The following CNKSR3 variants were observed in gnomAD, a reference collection of about 807,000 sequenced individuals.
CNKSR3 encodes connector enhancer of kinase suppressor of ras 3.
In CNKSR3, 36 loss-of-function variants were observed where a neutral mutation model predicts 67.7. The ratio of observed to expected loss-of-function variants is 0.53; its 90% CI spans 0.41 to 0.70. CNKSR3 has a LOEUF of 0.70. Ranked by LOEUF, CNKSR3 falls within the 30% of genes least tolerant of loss-of-function variation. The probability of loss-of-function intolerance (pLI) is 0.00; values close to 1 mark genes in which losing one functional copy is unlikely to be tolerated. For missense variants in CNKSR3, 630 were observed against 695.2 expected (o/e 0.91, Z 1.05); for synonymous variants, 281 against 271.4 (o/e 1.04, Z -0.35).
At chr6:154,474,727 T>C in intron 1 of CNKSR3, among the ~76,000 whole-genome samples, 1 of 152,066 alleles carries the variant, frequency 6.6e-6, no homozygotes, top group Non-Finnish European at 1.5e-5. Flanking sequence ...GATGAGATGA[T>C]GGACTACGAC....
chr6:154,401,039 C>T lies in CNKSR3; in HGVS notation c.*5315G>A, dbSNP rs1784710374. The T allele has an allele frequency of 6.6e-6, 1 of 152,240 alleles. No homozygotes were observed. Among genetic ancestry groups the T allele is most frequent in the African/African-American group, 2.4e-5 (1 of 41,540 alleles). The allele number at this position is 152,240 out of a possible 1,614,324, so 9.4% of individuals were successfully genotyped here. On this transcript the variant is annotated 3_prime_UTR_variant, in exon 13 of 13. Transcript: ENST00000607772. ...TTAATACATCATGCAAAATTTTCCA[C>T]GTATTGGAAGAAACATCAGAAATCA...
intron 1 of CNKSR3, among the ~76,000 whole-genome samples, chr6:154,479,231 AT>A (rs1234296574): frequency 4.3e-5 from 3 of 69,076 alleles, no homozygotes; most frequent in African/African-American, 1.4e-4. Context: ...AAAAAAAAAA[AT>A]ATTCTTTCAG....
intron 2 of CNKSR3, among the ~76,000 whole-genome samples, chr6:154,447,666 T>C (rs1049589012): frequency 2.6e-5 from 4 of 152,180 alleles, no homozygotes; most frequent in African/African-American, 9.7e-5. Flanking sequence ...CCCCTCTCCT[T>C]ACATTGATAC....
intron 1 of CNKSR3, among the ~76,000 whole-genome samples, chr6:154,466,784 T>TA (rs1298951954): frequency 3.2e-5 from 4 of 124,498 alleles, no homozygotes; most frequent in Admixed American, 1.6e-4. Flanking sequence ...CACGCCCAGC[T>TA]AATTTTTTTG....
At chr6:154,453,546 T>G (rs898786835) in intron 1 of CNKSR3, among the ~76,000 whole-genome samples, 2 of 152,158 alleles carry the variant, frequency 1.3e-5, no homozygotes, top group Non-Finnish European at 2.9e-5. Context: ...ACTGCCCACA[T>G]AAGAATAGAA....
chr6:154,414,882 G>A, intron 9 of CNKSR3: 1 of 454,206 alleles, frequency 2.2e-6, no homozygotes, highest in Non-Finnish European at 4.5e-6. Flanking sequence ...GATTGCTTGA[G>A]CTCAGGACTT....
intron 1 of CNKSR3, among the ~76,000 whole-genome samples, chr6:154,458,486 T>C (rs1201593103): frequency 6.6e-6 from 1 of 152,134 alleles, no homozygotes; most frequent in Non-Finnish European, 1.5e-5. Flanking sequence ...GTCACCAATT[T>C]CCAGGGTACA....
intron 1 of CNKSR3, among the ~76,000 whole-genome samples, chr6:154,469,353 G>A (rs887803147): frequency 2.0e-5 from 3 of 152,040 alleles, no homozygotes; most frequent in Non-Finnish European, 4.4e-5. Context: ...CATCATCATC[G>A]CATATGAATA....
intron 4 of CNKSR3, among the ~76,000 whole-genome samples, chr6:154,437,257 G>A (rs960920106): frequency 6.6e-6 from 1 of 152,120 alleles, no homozygotes; most frequent in Non-Finnish European, 1.5e-5. Context: ...AAGAGAATGT[G>A]AAGTCCCCTG....
At chr6:154,501,588 T>G (rs1363756032) in intron 1 of CNKSR3, among the ~76,000 whole-genome samples, 2 of 152,062 alleles carry the variant, frequency 1.3e-5, no homozygotes, top group Admixed American at 1.3e-4. Flanking sequence ...AATGCCCTTC[T>G]CCCTAATTTT....
chr6:154,451,233 G>C (rs1199914321), intron 1 of CNKSR3, among the ~76,000 whole-genome samples: 1 of 152,164 alleles, frequency 6.6e-6, no homozygotes, highest in African/African-American at 2.4e-5. Context: ...AATAGAACTT[G>C]AGAATTCTTA....
intron 2 of CNKSR3, among the ~76,000 whole-genome samples, chr6:154,442,732 A>G (rs1339240924): frequency 4.6e-5 from 7 of 152,144 alleles, no homozygotes; most frequent in Middle Eastern, 3.4e-3. Context: ...ACCCTATGTG[A>G]TCTATCCCCA....
intron 1 of CNKSR3, among the ~76,000 whole-genome samples, chr6:154,486,381 C>A (rs111703756): frequency 5.3e-5 from 8 of 151,816 alleles, no homozygotes; most frequent in Non-Finnish European, 1.2e-4. Context: ...TGGCAGCCTC[C>A]GCCTCCTGGC....
chr6:154,406,802 T>C, intron 12 of CNKSR3, 150 bp from the exon 13 acceptor site: 1 of 678,722 alleles, frequency 1.5e-6, no homozygotes, highest in Non-Finnish European at 2.5e-6. Flanking sequence ...ACCCCGTCTC[T>C]ACTGAAAATA....
At chr6:154,479,229 A>AT (rs1562351860) in intron 1 of CNKSR3, among the ~76,000 whole-genome samples, 9 of 91,260 alleles carry the variant, frequency 9.9e-5, no homozygotes, top group Non-Finnish European at 1.5e-4. Context: ...AAAAAAAAAA[A>AT]AATATTCTTT....
chr6:154,476,228 G>C (rs1045729384), intron 1 of CNKSR3, among the ~76,000 whole-genome samples: 3 of 152,168 alleles, frequency 2.0e-5, no homozygotes, highest in African/African-American at 4.8e-5. Flanking sequence ...AGGCCAAGGT[G>C]GATGGATCAC....
At chr6:154,422,442 T>C in intron 9 of CNKSR3, 64 bp downstream of exon 9, 3 of 1,491,004 alleles carry the variant, frequency 2.0e-6, no homozygotes, top group Non-Finnish European at 2.8e-6. Context: ...TAATCTCTTT[T>C]TGTTTGGAGA....
intron 1 of CNKSR3, among the ~76,000 whole-genome samples, chr6:154,486,556 G>C (rs184017446): frequency 2.0e-5 from 3 of 148,074 alleles, no homozygotes; most frequent in Admixed American, 6.7e-5. Flanking sequence ...GCAATGGCAC[G>C]ATCTTGGCTC....
intron 1 of CNKSR3, among the ~76,000 whole-genome samples, chr6:154,466,505 A>G (rs4870294): frequency 0.16 from 24,670 of 152,152 alleles, 2,450 homozygotes; most frequent in African/African-American, 0.28. Flanking sequence ...CTTGGCCCTT[A>G]TGGAAACAAC....
Sources: allele counts gnomAD v4.1 joint callset (sites outside exome capture counted in the v4.1 genomes callset), GRCh38; gene constraint gnomAD v4.1.1; transcripts MANE v1.5; gene names NCBI Gene and HGNC (gene_info 2026-07-23, HGNC 2026-07-21).